The following ERBIN variants were observed in gnomAD, a reference collection of about 807,000 sequenced individuals.
The protein encoded by ERBIN is erbb2 interacting protein.
ERBIN carries 60 observed loss-of-function variants against 158.4 expected under a neutral mutation model. The ratio of observed to expected loss-of-function variants is 0.38; its 90% confidence interval spans 0.31 to 0.47. ERBIN has a LOEUF of 0.47. ERBIN is among the 20% of genes least tolerant of loss of function. The pLI is 0.99. For missense variants in ERBIN, 1,610 were observed against 1,648.0 expected, an observed-to-expected ratio of 0.98 and a Z score of 0.40; for synonymous variants, 594 against 557.2, an observed-to-expected ratio of 1.07 and a Z score of -0.93.
At position 66,013,951 on chromosome 5, in the gene ERBIN, G is replaced by A. The variant is rs530903646; in HGVS notation, c.476+313G>A. 2.9e-4 allele frequency among the ~76,000 whole-genome samples: 44 copies of A among 152,138 alleles called. No homozygotes were observed. In the South Asian group the frequency reaches 8.7e-3, roughly 30 times the overall value. The stretch of plus-strand genomic sequence containing the variant: ...AGCATTCTAAAATGATTTAATAATT[G>A]ATTTATCTGTCTTCTCCCCTGGAAT... On this transcript the variant is annotated intron_variant, in intron 6 of 25. Transcript: ENST00000284037.
chr5:66,039,772 G>A (rs1403035930), intron 15 of ERBIN, among the ~76,000 whole-genome samples: 2 of 151,842 alleles, frequency 1.3e-5, no homozygotes, highest in South Asian at 2.1e-4. Flanking sequence ...TAAATACATG[G>A]AAGAGAGGTT....
intron 6 of ERBIN, 58 bp downstream of exon 6, chr5:66,013,696 C>T: frequency 1.8e-6 from 2 of 1,122,292 alleles, no homozygotes; most frequent in Middle Eastern, 2.1e-4. Context: ...GTTTACAAAA[C>T]TATAAGCTGC....
chr5:65,979,753 C>T (rs963066172), intron 1 of ERBIN, among the ~76,000 whole-genome samples: 13 of 152,168 alleles, frequency 8.5e-5, no homozygotes, highest in African/African-American at 2.9e-4. Context: ...GAAATAAAGA[C>T]AGAAGGAAAT....
In ERBIN at chr5:66,050,867, G is replaced by A. The variant is rs558450913; in HGVS notation, c.1988G>A (p.Arg663Gln). 7.5e-6 allele frequency: 12 copies of A among 1,602,304 alleles called. No homozygotes were observed. The highest frequency in any genetic ancestry group is 4.5e-5 in the East Asian group (2 of 44,150). ...AACAGCAATTGTTCTTCTCCATCTCGGATGTCTGATTCAGTTTCTCTTAAT... is the reference window on the plus strand; with the variant it reads ...AACAGCAATTGTTCTTCTCCATCTCAGATGTCTGATTCAGTTTCTCTTAAT... ...QNNSNCSSPS[R>Q]MSDSVSLNTD... is the part of the protein sequence containing the mutation. Residue 663 changes from arginine to glutamine, a missense_variant, in exon 20 of 26, where the codon CGG becomes CAG. Physicochemically the swap from Arg to Gln is conservative, Grantham distance 43 (BLOSUM62 1). Coordinates refer to ENST00000284037, the MANE Select transcript of ERBIN (RefSeq NM_001253697.2).
chr5:66,018,499 ATATATATTATATAT>A lies in ERBIN; in HGVS notation c.534-2816_534-2803del, dbSNP rs1561380619. On this transcript the variant is annotated intron_variant, in intron 7 of 25. Transcript: ENST00000284037. ...TATATATTATATATTATATTATATAATATATATTATATATTATATAATATATATTATATTATATA... is the reference window on the plus strand; with the variant it reads ...TATATATTATATATTATATTATATAATATATAATATATATTATATTATATA... Among the ~76,000 whole-genome samples, 7 of 6,454 alleles carry A rather than the reference ATATATATTATATAT, an allele frequency of 1.1e-3. 3 individuals carry two copies. Among genetic ancestry groups the A allele is most frequent in the Admixed American group, 5.9e-3 (2 of 340 alleles). 4.2% of individuals were successfully genotyped at this position (6,454 alleles called of 152,430 possible). A position where few individuals can be genotyped will look rare whatever the true frequency, so the allele number is the denominator to read the frequency against.
chr5:66,004,120 T>TTTG (rs1168250768), intron 4 of ERBIN, among the ~76,000 whole-genome samples: 2 of 150,070 alleles, frequency 1.3e-5, no homozygotes, highest in Non-Finnish European at 3.0e-5. Flanking sequence ...TTTTTTTTTT[T>TTTG]TTTAAGAGAT....
chr5:65,971,050 A>G lies in ERBIN; in HGVS notation c.-57-17585A>G, dbSNP rs951952264. Reference sequence around the variant, plus strand: ...TCAGAAAGCCAAATATGGTCATTCAACGTTAATTTGACTGATTCCTTTTGT... The same window carrying G: ...TCAGAAAGCCAAATATGGTCATTCAGCGTTAATTTGACTGATTCCTTTTGT... On this transcript the variant is annotated intron_variant, in intron 1 of 25. Transcript: ENST00000284037. 4.6e-5 allele frequency among the ~76,000 whole-genome samples: 7 copies of G among 152,276 alleles called. No individual in the cohort carries two copies. In the South Asian group the frequency reaches 1.5e-3, roughly 32 times the overall value.
intron 1 of ERBIN, among the ~76,000 whole-genome samples, chr5:65,948,885 T>A (rs1023044525): frequency 7.4e-5 from 11 of 149,480 alleles, no homozygotes; most frequent in Non-Finnish European, 1.6e-4. Context: ...TGCCTCGGCC[T>A]CTCAGGTAGC....
intron 1 of ERBIN, among the ~76,000 whole-genome samples, chr5:65,955,339 A>G (rs920779647): frequency 6.6e-6 from 1 of 151,748 alleles, no homozygotes; most frequent in Non-Finnish European, 1.5e-5. Context: ...AAGAAAATCA[A>G]CTCTGAGGGG....
chr5:66,048,989 C>T (rs919198798), intron 19 of ERBIN, among the ~76,000 whole-genome samples: 2 of 151,952 alleles, frequency 1.3e-5, no homozygotes, highest in African/African-American at 4.8e-5. Context: ...TGCAAATTTA[C>T]TTATAAAGGC....
intron 1 of ERBIN, among the ~76,000 whole-genome samples, chr5:65,941,804 G>A (rs1487206000): frequency 2.0e-5 from 3 of 151,734 alleles, no homozygotes; most frequent in Admixed American, 2.0e-4. Context: ...GCAGTGGCAC[G>A]ATCTCTGCTC....
chr5:66,070,032 T>C (rs1460764530), intron 21 of ERBIN, among the ~76,000 whole-genome samples: 2 of 152,046 alleles, frequency 1.3e-5, no homozygotes, highest in African/African-American at 2.4e-5. Flanking sequence ...TTTATTTATT[T>C]ATTTATTCAT....
chr5:66,018,561 TATATATTATATTA>T (rs1755246636), intron 7 of ERBIN, among the ~76,000 whole-genome samples: 1 of 15,252 alleles, frequency 6.6e-5, no homozygotes, highest in East Asian at 8.0e-4. Context: ...TATTATATAA[TATATATTATATTA>T]TATAATATAT....
At chr5:66,029,790 A>G (rs937699329) in intron 14 of ERBIN, among the ~76,000 whole-genome samples, 3 of 151,624 alleles carry the variant, frequency 2.0e-5, no homozygotes, top group African/African-American at 7.3e-5. Flanking sequence ...TTTTTAGTAG[A>G]AACAGGGCCA....
In ERBIN at chr5:65,938,146, A is replaced by G. The variant is rs549614991; in HGVS notation, c.-58+11340A>G. Among the ~76,000 whole-genome samples the G allele has an allele frequency of 3.0e-4, 45 of 151,922 alleles. 1 individual carries two copies. Among genetic ancestry groups the G allele is most frequent in the African/African-American group, 1.1e-3 (44 of 41,402 alleles). ...TTTTAAGAAACCATATATTTTTGTTATATTTATTTCTAAAAACATTTTGGA... is the reference window on the plus strand; with the variant it reads ...TTTTAAGAAACCATATATTTTTGTTGTATTTATTTCTAAAAACATTTTGGA... On this transcript the variant is annotated intron_variant, in intron 1 of 25. Coordinates refer to ENST00000284037, the MANE Select transcript of ERBIN (RefSeq NM_001253697.2).
At chr5:66,053,348 C>T (rs1414417595) in intron 20 of ERBIN, 58 bp from the exon 21 acceptor site, 18 of 1,027,686 alleles carry the variant, frequency 1.8e-5, no homozygotes, top group Non-Finnish European at 2.5e-5. Context: ...ATTAATGTTC[C>T]CTGTTACTAA....
intron 9 of ERBIN, 30 bp downstream of exon 9, chr5:66,023,394 C>G (rs1755901709): frequency 6.9e-7 from 1 of 1,458,962 alleles, no homozygotes. Flanking sequence ...AATGGCATCA[C>G]TTATTTCTGG....
At chr5:66,044,344 T>C (rs751428877) in intron 17 of ERBIN, 34 bp downstream of exon 17, 11 of 1,546,238 alleles carry the variant, frequency 7.1e-6, no homozygotes, top group Middle Eastern at 1.8e-4. Flanking sequence ...CCAAAGCCTA[T>C]TTCAAGTTCT....
At chr5:66,022,941 T>C (rs1439900146) in intron 8 of ERBIN, 1 of 165,490 alleles carries the variant, frequency 6.0e-6, no homozygotes, top group Non-Finnish European at 1.3e-5. Flanking sequence ...ATTTTTATTG[T>C]ATACTTCTAA....
Sources: gnomAD v4.1 joint callset for allele counts (sites outside exome capture counted in the v4.1 genomes callset) on GRCh38, gnomAD v4.1.1 for gene constraint, MANE v1.5 for transcripts, NCBI Gene and HGNC (gene_info 2026-07-23, HGNC 2026-07-21) for gene names.